SLC26A7: variants seen among roughly 807,000 people sequenced by gnomAD.
SLC26A7 encodes the protein anion exchange transporter.
SLC26A7 carries 59 observed loss-of-function variants against 82.5 expected under a neutral mutation model. That is an observed-to-expected ratio of 0.72 (90% CI 0.58 to 0.89). The LOEUF is 0.89. Among genes scored for constraint, SLC26A7 ranks in the 40% least tolerant of loss-of-function variants. The pLI is 0.00. For missense variants in SLC26A7, 820 were observed against 793.0 expected (o/e 1.03, Z -0.41); for synonymous variants, 271 against 274.3 (o/e 0.99, Z 0.12).
chr8:91,377,927 A>C (rs1258724617), intron 15 of SLC26A7, among the ~76,000 whole-genome samples: 1 of 152,156 alleles, frequency 6.6e-6, no homozygotes, highest in East Asian at 1.9e-4. Flanking sequence ...ACTTTGACGT[A>C]GTTTTTGAAG....
intron 15 of SLC26A7, among the ~76,000 whole-genome samples, chr8:91,370,118 C>A (rs1204862155): frequency 2.0e-5 from 3 of 151,504 alleles, no homozygotes; most frequent in African/African-American, 7.3e-5. Context: ...CTCCTGTCTT[C>A]TCCCTCTCTC....
intron 5 of SLC26A7, 41 bp downstream of exon 5, chr8:91,318,421 G>T: frequency 2.0e-6 from 3 of 1,485,214 alleles, no homozygotes; most frequent in Non-Finnish European, 2.7e-6. Flanking sequence ...TTTTGAATGT[G>T]CAGGTTTCAC....
chr8:91,353,830 T>C (rs1813788869), intron 11 of SLC26A7, among the ~76,000 whole-genome samples: 1 of 151,992 alleles, frequency 6.6e-6, no homozygotes, highest in Non-Finnish European at 1.5e-5. Context: ...CTGGGCACCA[T>C]GAGGAATGTG....
intron 2 of SLC26A7, among the ~76,000 whole-genome samples, chr8:91,255,254 C>T (rs1255197636): frequency 6.6e-6 from 1 of 152,074 alleles, no homozygotes; most frequent in Non-Finnish European, 1.5e-5. Context: ...AGGTTTTGGG[C>T]TGCAAACAAA....
intron 5 of SLC26A7, among the ~76,000 whole-genome samples, chr8:91,324,668 G>A (rs1380842417): frequency 3.3e-5 from 5 of 152,134 alleles, no homozygotes. Context: ...ACTGAGGAGG[G>A]ACGCAAAGTA....
chr8:91,246,531 T>G (rs1328908541), upstream of SLC26A7, among the ~76,000 whole-genome samples: 1 of 152,022 alleles, frequency 6.6e-6, no homozygotes, highest in Non-Finnish European at 1.5e-5. Flanking sequence ...AGATGTAAAA[T>G]ACCATGTAAC....
chr8:91,225,954 C>T (rs915036823), intron 2 of SLC26A7, among the ~76,000 whole-genome samples: 4 of 152,128 alleles, frequency 2.6e-5, no homozygotes, highest in Non-Finnish European at 5.9e-5. Context: ...GCTTAATTGG[C>T]TGTCTCCTGC....
intron 4 of SLC26A7, among the ~76,000 whole-genome samples, chr8:91,308,855 T>C (rs1812398236): frequency 6.6e-6 from 1 of 152,170 alleles, no homozygotes; most frequent in South Asian, 2.1e-4. Flanking sequence ...GTGTCTGTCT[T>C]TGACACCCTT....
At chr8:91,334,256 G>A in intron 5 of SLC26A7, 39 bp from the exon 6 acceptor site, 2 of 1,574,584 alleles carry the variant, frequency 1.3e-6, no homozygotes, top group Non-Finnish European at 1.7e-6. Flanking sequence ...TATTATAGGT[G>A]ACCCTGAATT....
chr8:91,317,939 G>GATAT (rs35028681), intron 4 of SLC26A7, among the ~76,000 whole-genome samples: 2 of 140,518 alleles, frequency 1.4e-5, no homozygotes, highest in Non-Finnish European at 3.1e-5. Context: ...ACTATAATAA[G>GATAT]ATATATATAT....
intron 15 of SLC26A7, among the ~76,000 whole-genome samples, chr8:91,385,544 C>T (rs1202663523): frequency 6.6e-6 from 1 of 152,150 alleles, no homozygotes; most frequent in Non-Finnish European, 1.5e-5. Context: ...AAATTATTAT[C>T]CACAACTATA....
chr8:91,261,390 G>A (rs1810960953), intron 2 of SLC26A7, among the ~76,000 whole-genome samples: 2 of 152,006 alleles, frequency 1.3e-5, no homozygotes, highest in African/African-American at 2.4e-5. Context: ...TCTGGTGTGG[G>A]TATTTAAGGG....
chr8:91,258,166 C>T (rs1463735431), intron 2 of SLC26A7, among the ~76,000 whole-genome samples: 1 of 152,106 alleles, frequency 6.6e-6, no homozygotes, highest in South Asian at 2.1e-4. Flanking sequence ...CACACTATAT[C>T]ACCCAGGTAT....
At chr8:91,245,731 C>T (rs1810536759), upstream of SLC26A7, among the ~76,000 whole-genome samples, 1 of 152,172 alleles carries the variant, frequency 6.6e-6, no homozygotes, top group Non-Finnish European at 1.5e-5. Flanking sequence ...GAGAATTTCA[C>T]TCTTTACTAA....
rs1811462918 is a variant in SLC26A7, at chr8:91,278,372, T to G, written c.194-10764T>G. On this transcript the variant is annotated intron_variant, in intron 2 of 18. Transcript: ENST00000276609. ...TACAAGAGAAAATCCAAAATTATCC[T>G]TCTATGCTCTCTATAGAAAATGTTA... Among the ~76,000 whole-genome samples, 4 of 151,992 alleles carry G rather than the reference T, an allele frequency of 2.6e-5. No homozygotes were observed. The South Asian group carries it at 8.3e-4, about 32-fold the overall frequency.
intron 5 of SLC26A7, among the ~76,000 whole-genome samples, chr8:91,325,479 T>C (rs945057371): frequency 3.3e-5 from 5 of 152,138 alleles, no homozygotes; most frequent in African/African-American, 4.8e-5. Flanking sequence ...CCAAATATGC[T>C]TATGTTAAGA....
intron 2 of SLC26A7, among the ~76,000 whole-genome samples, chr8:91,262,556 T>C (rs1810998133): frequency 6.6e-6 from 1 of 152,016 alleles, no homozygotes; most frequent in Non-Finnish European, 1.5e-5. Context: ...GCCAGCATCA[T>C]GGAAGGTCAT....
chr8:91,357,577 T>A (rs945947044), intron 11 of SLC26A7, among the ~76,000 whole-genome samples: 3 of 152,180 alleles, frequency 2.0e-5, no homozygotes, highest in Non-Finnish European at 4.4e-5. Context: ...CTGAAACTAA[T>A]CCCTTCCTTA....
chr8:91,337,035 A>G (rs1215482723), intron 6 of SLC26A7, among the ~76,000 whole-genome samples: 1 of 152,170 alleles, frequency 6.6e-6, no homozygotes, highest in African/African-American at 2.4e-5. Flanking sequence ...TTTCTTTAGA[A>G]AATGCTACTA....
Sources: allele counts gnomAD v4.1 joint callset (sites outside exome capture counted in the v4.1 genomes callset), GRCh38; gene constraint gnomAD v4.1.1; transcripts MANE v1.5; gene names NCBI Gene and HGNC (gene_info 2026-07-23, HGNC 2026-07-21).